The following TSPAN5 variants were observed in gnomAD, a reference collection of about 807,000 sequenced individuals.
TSPAN5 encodes tetraspanin-5.
TSPAN5 carries 10 observed loss-of-function variants against 37.1 expected under a neutral mutation model. That is an observed-to-expected ratio of 0.27 (90% CI 0.17 to 0.46). The LOEUF is 0.46. Ranked by LOEUF, TSPAN5 falls within the 20% of genes least tolerant of loss-of-function variation. TSPAN5 has a pLI of 1.00. For synonymous variants in TSPAN5, 110 were observed against 118.9 expected (o/e 0.93, Z 0.48); for missense variants, 195 against 326.6 (o/e 0.60, Z 3.11).
At chr4:98,567,601 G>A (rs943748647) in intron 1 of TSPAN5, among the ~76,000 whole-genome samples, 9 of 152,134 alleles carry the variant, frequency 5.9e-5, no homozygotes, top group Non-Finnish European at 1.2e-4. Flanking sequence ...AACACAGCAC[G>A]GTTGGGATGT....
chr4:98,602,035 A>G (rs976922614), intron 1 of TSPAN5, among the ~76,000 whole-genome samples: 11 of 152,236 alleles, frequency 7.2e-5, no homozygotes, highest in African/African-American at 2.4e-4. Context: ...GGCGTGGTTC[A>G]TGTCACACCA....
At chr4:98,619,536 C>G (rs1261255606) in intron 1 of TSPAN5, among the ~76,000 whole-genome samples, 2 of 152,166 alleles carry the variant, frequency 1.3e-5, no homozygotes, top group Non-Finnish European at 2.9e-5. Context: ...TACAAACCAT[C>G]TATGTGCCAG....
At chr4:98,501,261 T>G (rs184543886) in intron 2 of TSPAN5, among the ~76,000 whole-genome samples, 1 of 152,328 alleles carries the variant, frequency 6.6e-6, no homozygotes, top group East Asian at 1.9e-4. Flanking sequence ...CGTATTTACC[T>G]CCTTTTATTC....
intron 2 of TSPAN5, chr4:98,496,665 CA>C (rs1426787992): frequency 6.6e-6 from 1 of 152,176 alleles, no homozygotes; most frequent in Non-Finnish European, 1.5e-5. Flanking sequence ...GCACTGCTCA[CA>C]GGCAGGGAAA....
At chr4:98,522,609 G>A (rs1337192680) in intron 1 of TSPAN5, among the ~76,000 whole-genome samples, 1 of 152,208 alleles carries the variant, frequency 6.6e-6, no homozygotes, top group Non-Finnish European at 1.5e-5. Context: ...GATGAATGCA[G>A]GATGCATGGG....
intron 1 of TSPAN5, among the ~76,000 whole-genome samples, chr4:98,583,726 T>C (rs1323800974): frequency 2.0e-5 from 3 of 152,154 alleles, no homozygotes; most frequent in African/African-American, 7.2e-5. Flanking sequence ...CAGCATCAGG[T>C]TCCTCATGGG....
At chr4:98,537,473 A>G (rs138627838) in intron 1 of TSPAN5, among the ~76,000 whole-genome samples, 39 of 152,244 alleles carry the variant, frequency 2.6e-4, no homozygotes, top group African/African-American at 9.4e-4. Flanking sequence ...TTCTATTTTT[A>G]ACTAGAATTA....
intron 1 of TSPAN5, among the ~76,000 whole-genome samples, chr4:98,656,124 T>G (rs1757289665): frequency 6.6e-6 from 1 of 152,118 alleles, no homozygotes; most frequent in African/African-American, 2.4e-5. Context: ...GCGGCTCTGT[T>G]CTGGACCTCT....
intron 1 of TSPAN5, among the ~76,000 whole-genome samples, chr4:98,572,407 A>G (rs1163554639): frequency 6.6e-6 from 1 of 152,236 alleles, no homozygotes; most frequent in Non-Finnish European, 1.5e-5. Context: ...CACTTACTTC[A>G]GCAAATATTT....
At chr4:98,642,900 A>G (rs1756988200) in intron 1 of TSPAN5, among the ~76,000 whole-genome samples, 1 of 152,266 alleles carries the variant, frequency 6.6e-6, no homozygotes, top group Non-Finnish European at 1.5e-5. Context: ...TTATTACAAA[A>G]GAGTAAAAAA....
chr4:98,559,159 A>C (rs942591538), intron 1 of TSPAN5, among the ~76,000 whole-genome samples: 2 of 152,154 alleles, frequency 1.3e-5, no homozygotes, highest in Non-Finnish European at 2.9e-5. Context: ...CAGTAACGAC[A>C]CTAAGACAAT....
intron 1 of TSPAN5, among the ~76,000 whole-genome samples, chr4:98,641,742 T>C: frequency 6.6e-6 from 1 of 152,036 alleles, no homozygotes; most frequent in Non-Finnish European, 1.5e-5. Context: ...CAGTCTCAGC[T>C]CAAACTCCAC....
At chr4:98,514,905 A>T (rs937356723) in intron 1 of TSPAN5, among the ~76,000 whole-genome samples, 2 of 152,208 alleles carry the variant, frequency 1.3e-5, no homozygotes, top group Non-Finnish European at 2.9e-5. Context: ...GAGTAGATGC[A>T]GGGAATTTTT....
At chr4:98,619,215 T>C (rs1194275770) in intron 1 of TSPAN5, among the ~76,000 whole-genome samples, 3 of 152,224 alleles carry the variant, frequency 2.0e-5, no homozygotes, top group Non-Finnish European at 4.4e-5. Flanking sequence ...TTTGGGAAAT[T>C]CATTCAGGAG....
chr4:98,584,534 CA>C (rs966030500), intron 1 of TSPAN5, among the ~76,000 whole-genome samples: 9 of 152,158 alleles, frequency 5.9e-5, no homozygotes, highest in African/African-American at 2.2e-4. Flanking sequence ...AATGAATACA[CA>C]AAAGTATTTG....
chr4:98,517,191 G>A (rs893218653), intron 1 of TSPAN5, among the ~76,000 whole-genome samples: 1 of 152,254 alleles, frequency 6.6e-6, no homozygotes, highest in African/African-American at 2.4e-5. Flanking sequence ...TCTGGCAGAG[G>A]GAAATTTCTT....
At chr4:98,592,448 T>TTTTTTTTTTTTA (rs1755667937) in intron 1 of TSPAN5, among the ~76,000 whole-genome samples, 1 of 127,166 alleles carries the variant, frequency 7.9e-6, no homozygotes, top group African/African-American at 3.0e-5. Context: ...TTTTTTTTTT[T>TTTTTTTTTTTTA]ATTATACTCT....
intron 1 of TSPAN5, among the ~76,000 whole-genome samples, chr4:98,656,158 T>C (rs1278831559): frequency 6.6e-6 from 1 of 152,150 alleles, no homozygotes; most frequent in East Asian, 1.9e-4. Context: ...CTGCAATTCT[T>C]TGAAGCTCTC....
intron 1 of TSPAN5, among the ~76,000 whole-genome samples, chr4:98,514,027 A>G (rs1753675498): frequency 6.6e-6 from 1 of 152,202 alleles, no homozygotes; most frequent in South Asian, 2.1e-4. Flanking sequence ...TCAAAATAAC[A>G]GCACACAAGG....
Sources: allele counts gnomAD v4.1 joint callset (sites outside exome capture counted in the v4.1 genomes callset), GRCh38; gene constraint gnomAD v4.1.1; transcripts MANE v1.5; gene names NCBI Gene and HGNC (gene_info 2026-07-23, HGNC 2026-07-21).